The following OTUB2 variants were observed in gnomAD, a reference collection of about 807,000 sequenced individuals.
OTUB2 encodes OTU deubiquitinase, ubiquitin aldehyde binding 2.
OTUB2 carries 21 observed loss-of-function variants against 25.1 expected under a neutral mutation model. That is an observed-to-expected ratio of 0.84 (90% CI 0.59 to 1.21). The LOEUF (loss-of-function observed/expected upper bound fraction) is 1.21. OTUB2 is among the 50% of genes most tolerant of loss of function. OTUB2 has a pLI of 0.00. For synonymous variants in OTUB2, 122 were observed against 122.8 expected (o/e 0.99, Z 0.04); for missense variants, 283 against 298.0 (o/e 0.95, Z 0.37).
At chr14:94,033,269 A>C (rs1229671263) in intron 1 of OTUB2, among the ~76,000 whole-genome samples, 3 of 152,200 alleles carry the variant, frequency 2.0e-5, no homozygotes, top group African/African-American at 7.2e-5. Context: ...TTTGTCAAAA[A>C]TGCAAATTTT....
intron 1 of OTUB2, among the ~76,000 whole-genome samples, chr14:94,030,956 C>T (rs1336613291): frequency 2.0e-5 from 3 of 152,180 alleles, no homozygotes; most frequent in Non-Finnish European, 2.9e-5. Context: ...ACACTCCTTT[C>T]GGACTTGTGG....
chr14:94,027,442 C>T (rs553485754), intron 1 of OTUB2, among the ~76,000 whole-genome samples: 13 of 152,322 alleles, frequency 8.5e-5, no homozygotes, highest in African/African-American at 3.1e-4. Flanking sequence ...TGGCTTGAGT[C>T]GGGGCCACAC....
At chr14:94,028,444 G>A (rs146617282) in intron 1 of OTUB2, among the ~76,000 whole-genome samples, 48 of 152,348 alleles carry the variant, frequency 3.2e-4, no homozygotes, top group African/African-American at 9.6e-4. Flanking sequence ...AGGGCGCCCC[G>A]TGGAAGACAC....
rs759113013 is a variant in OTUB2 at position 94,044,718 on chromosome 14, C to T, written c.436C>T (p.Arg146Ter). The T allele has an allele frequency of 2.2e-5, 35 of 1,613,892 alleles. No homozygotes were observed. The highest frequency in any genetic ancestry group is 1.5e-4 in the South Asian group (14 of 91,082). ...RLLTSAFIRNRADFFRHFIDE... is the reference protein window; with the variant it reads ...RLLTSAFIRN The stretch of plus-strand genomic sequence containing the variant: ...GCTCACGTCGGCCTTCATCAGGAAC[C>T]GAGCAGACTTCTTCCGGCACTTCAT... Residue 146 changes from arginine to a stop codon, truncating the protein, a stop_gained, in exon 5 of 6, where the codon CGA becomes TGA. Coordinates refer to ENST00000203664, the MANE Select transcript of OTUB2 (RefSeq NM_023112.4). LOFTEE classifies it high-confidence loss of function.
Position 94,026,442 on chromosome 14 carries a change from C to A in OTUB2, c.-96C>A. The A allele has an allele frequency of 3.1e-6, 4 of 1,309,540 alleles. No individual in the cohort carries two copies. Among genetic ancestry groups the A allele is most frequent in the Non-Finnish European group, 3.9e-6 (4 of 1,028,502 alleles). 81.1% of individuals were successfully genotyped at this position (1,309,540 alleles called of 1,614,324 possible). ...CCCACGCCCTCGAGGTCCCCGCCAC[C>A]GAACCAGCGGCGGAGCCCGCCCGCG... On this transcript the variant is annotated 5_prime_UTR_variant, in exon 1 of 6. Transcript: ENST00000203664.
chr14:94,039,296 C>G (rs534741514), intron 3 of OTUB2: 99 of 585,216 alleles, frequency 1.7e-4, no homozygotes, highest in Non-Finnish European at 2.9e-4. Flanking sequence ...CTGTGACCTC[C>G]CAGATGCTTT....
At chr14:94,026,665 C>T in intron 1 of OTUB2, 125 bp downstream of exon 1, 1 of 1,021,132 alleles carries the variant, frequency 9.8e-7, no homozygotes, top group Non-Finnish European at 1.3e-6. Context: ...AGCTCGCCCC[C>T]GCCGCTTTCC....
intron 1 of OTUB2, among the ~76,000 whole-genome samples, chr14:94,035,517 C>A (rs937307544): frequency 3.3e-5 from 5 of 151,956 alleles, no homozygotes; most frequent in African/African-American, 1.2e-4. Flanking sequence ...TCTTGAACTC[C>A]CAACCTCGTG....
intron 2 of OTUB2, 88 bp downstream of exon 2, chr14:94,037,563 G>A: frequency 2.4e-6 from 2 of 817,096 alleles, no homozygotes; most frequent in South Asian, 2.1e-5. Flanking sequence ...AAGGCCGATA[G>A]TTTGGGCCAG....
intron 1 of OTUB2, among the ~76,000 whole-genome samples, chr14:94,034,858 A>G (rs1339944542): frequency 1.3e-5 from 2 of 152,196 alleles, no homozygotes; most frequent in Non-Finnish European, 2.9e-5. Flanking sequence ...CAGACTTTTC[A>G]TGGGTCCAGC....
rs142348863 is a variant in OTUB2 at position 94,037,393 on chromosome 14, T to G, written c.17T>G (p.Phe6Cys). The G allele has an allele frequency of 2.3e-4, 360 of 1,590,394 alleles. 1 individual carries two copies. The African/African-American group carries it at 4.4e-3, about 19-fold the overall frequency. The change falls in exon 2 of 6, where the codon TTC becomes TGC. Residue 6 changes from phenylalanine (F) to cysteine (C), a missense_variant. Coordinates refer to ENST00000203664, the MANE Select transcript of OTUB2 (RefSeq NM_023112.4). ...CCTATCTTTCAGAGTGAAACATCTTTCAACCTAATATCAGAAAAATGTGAC... is the reference window on the plus strand; with the variant it reads ...CCTATCTTTCAGAGTGAAACATCTTGCAACCTAATATCAGAAAAATGTGAC... MSETSFNLISEKCDIL... is the reference protein window; with the variant it reads MSETSCNLISEKCDIL...
chr14:94,034,381 G>A (rs1237718953), intron 1 of OTUB2, among the ~76,000 whole-genome samples: 1 of 152,214 alleles, frequency 6.6e-6, no homozygotes, highest in Non-Finnish European at 1.5e-5. Context: ...GCCCTAGGCT[G>A]CCCTGTGTGG....
intron 4 of OTUB2, 84 bp from the exon 5 acceptor site, chr14:94,044,502 C>G (rs140383215): frequency 1.6e-5 from 22 of 1,386,600 alleles, no homozygotes; most frequent in Middle Eastern, 2.0e-4. Context: ...GAGGGCTTCA[C>G]GCGAAGGGAG....
chr14:94,037,537 T>A, intron 2 of OTUB2, 62 bp downstream of exon 2: 1 of 1,159,222 alleles, frequency 8.6e-7, no homozygotes, highest in Admixed American at 2.2e-5. Flanking sequence ...GGGAGTGTAA[T>A]GGTGATGCCT....
intron 2 of OTUB2, 122 bp from the exon 3 acceptor site, chr14:94,038,841 G>T: frequency 1.2e-6 from 1 of 860,346 alleles, no homozygotes; most frequent in African/African-American, 1.6e-5. Context: ...GGGGATAGCA[G>T]CCTGAAGGGA....
chr14:94,045,641 A>G (rs757397290), intron 5 of OTUB2, 75 bp from the exon 6 acceptor site: 10 of 1,430,404 alleles, frequency 7.0e-6, no homozygotes, highest in African/African-American at 1.4e-5. Flanking sequence ...TGACCCTGAG[A>G]GCCAGAGCTG....
intron 2 of OTUB2, among the ~76,000 whole-genome samples, chr14:94,037,684 T>C (rs115799640): frequency 0.016 from 2,352 of 151,486 alleles, 63 homozygotes; most frequent in African/African-American, 0.053. Flanking sequence ...TGTTGAAAAG[T>C]TTAGCACTAT....
intron 5 of OTUB2, among the ~76,000 whole-genome samples, chr14:94,045,457 C>G (rs1885253717): frequency 6.6e-6 from 1 of 152,194 alleles, no homozygotes; most frequent in Non-Finnish European, 1.5e-5. Flanking sequence ...AGCCTGCTGT[C>G]AGGTGTAACT....
At chr14:94,043,938 T>C (rs759525377) in intron 3 of OTUB2, 33 bp from the exon 4 acceptor site, 1 of 1,593,272 alleles carries the variant, frequency 6.3e-7, no homozygotes, top group South Asian at 1.1e-5. Context: ...TCGCTGTGTT[T>C]CCCTGTAAAC....
Sources: allele counts gnomAD v4.1 joint callset (sites outside exome capture counted in the v4.1 genomes callset), GRCh38; gene constraint gnomAD v4.1.1; transcripts MANE v1.5; gene names NCBI Gene and HGNC (gene_info 2026-07-23, HGNC 2026-07-21).